The following ZNF302 variants were observed in gnomAD, a reference collection of about 807,000 sequenced individuals.
ZNF302 encodes the protein zinc finger protein 327.
In ZNF302, 12 loss-of-function variants were observed where a neutral mutation model predicts 10.8. The observed-to-expected ratio is 1.11, with a 90% CI of 0.71 to 1.79. The LOEUF (loss-of-function observed/expected upper bound fraction) is 1.79. Ranked by LOEUF, ZNF302 falls within the 40% of genes most tolerant of loss-of-function variation. The pLI, the probability that ZNF302 is intolerant of heterozygous loss-of-function variation, is 0.00. For synonymous variants in ZNF302, 178 were observed against 157.5 expected (o/e 1.13, Z -0.98); for missense variants, 461 against 471.1 (o/e 0.98, Z 0.20).
In ZNF302 at chr19:34,684,617, A is replaced by G; in HGVS notation, c.580A>G (p.Thr194Ala). ...GAGCAAATCTCTTACCCTTCCCCAG[A>G]CTTGTAATAGAGAGAAAATCTATAC... ...NQSKSLTLPQ[T>A]CNREKIYTCS... Residue 194 changes from threonine to alanine, a missense_variant, in exon 5 of 5, where the codon ACT (threonine) becomes GCT (alanine). Physicochemically the swap from Thr to Ala is moderately conservative, Grantham distance 58. Transcript: ENST00000505242. 1.2e-6 allele frequency: 2 copies of G among 1,614,090 alleles called. No homozygotes were observed. Among genetic ancestry groups the G allele is most frequent in the Non-Finnish European group, 1.7e-6 (2 of 1,179,948 alleles).
intron 4 of ZNF302, 188 bp from the exon 5 acceptor site, chr19:34,684,064 G>C: frequency 6.6e-7 from 1 of 1,524,200 alleles, no homozygotes; most frequent in Non-Finnish European, 8.8e-7. Context: ...TTTGAGCATT[G>C]TTCAGAAGTC....
chr19:34,683,788 G>A (rs11547623), intron 4 of ZNF302, among the ~76,000 whole-genome samples: 14,892 of 152,010 alleles, frequency 0.098, 865 homozygotes, highest in Middle Eastern at 0.23. Context: ...GTTTAATATA[G>A]TAGTATCAAT....
At chr19:34,682,716 C>T (rs1166815087) in intron 2 of ZNF302, 61 bp from the exon 3 acceptor site, 13 of 1,599,316 alleles carry the variant, frequency 8.1e-6, no homozygotes, top group South Asian at 5.7e-5. Flanking sequence ...AATTTTACCC[C>T]TTCTTCAGTG....
intron 4 of ZNF302, 77 bp from the exon 5 acceptor site, chr19:34,684,171 TAAAA>T: frequency 2.3e-6 from 2 of 876,860 alleles, no homozygotes; most frequent in Non-Finnish European, 2.9e-6. Context: ...TTTCAAGAAG[TAAAA>T]AAAAAAAAAA....
upstream of ZNF302, chr19:34,676,021 G>A (rs2067927632): frequency 6.6e-6 from 1 of 152,238 alleles, no homozygotes; most frequent in Non-Finnish European, 1.5e-5. Context: ...CTGGGAAGTA[G>A]ACCCCAGCGC....
At position 34,682,869 on chromosome 19, in the gene ZNF302, C is replaced by G. The variant is rs1382186080; in HGVS notation, c.102C>G (p.Val34=). 2 of 1,613,762 alleles carry G rather than the reference C, an allele frequency of 1.2e-6. No homozygotes were observed. The highest frequency in any genetic ancestry group is 1.3e-5 in the African/African-American group (1 of 75,028). The stretch of plus-strand genomic sequence containing the variant: ...GGGACTTATACAAGGATGTGATGGT[C>G]CAGAATTATGAGAACCTGGTCTCTG... ...AQRDLYKDVM[V]QNYENLVSVG... The change falls in exon 3 of 5, where the codon GTC becomes GTG. Residue 34 remains valine, a synonymous_variant. Coordinates refer to ENST00000505242, the MANE Select transcript of ZNF302 (RefSeq NM_001289187.2).
At position 34,685,960 on chromosome 19, in the gene ZNF302, A is replaced by C. The variant is rs1170905361; in HGVS notation, c.*723A>C. On this transcript the variant is annotated 3_prime_UTR_variant, in exon 5 of 5. Transcript: ENST00000505242. ...CAGGAGAAAAGTTGTATGAATGTGG[A>C]AACTTTAGAAATTGAAGGAATTTTT... is the stretch of plus-strand genomic sequence containing the variant. 6.3e-6 allele frequency: 1 copy of C among 159,270 alleles called. No individual in the cohort carries two copies. Among genetic ancestry groups the C allele is most frequent in the African/African-American group, 2.4e-5 (1 of 41,650 alleles). The allele number at this position is 159,270 out of a possible 1,614,324, so 9.9% of individuals were successfully genotyped here.
intron 4 of ZNF302, chr19:34,684,007 T>TA: frequency 6.8e-7 from 1 of 1,476,486 alleles, no homozygotes; most frequent in Non-Finnish European, 9.0e-7. Context: ...CCATTTCCTT[T>TA]ATCACACTCT....
upstream of ZNF302, chr19:34,677,354 TGTAATTTCTTG>T (rs1388673086): frequency 1.3e-5 from 2 of 152,030 alleles, no homozygotes; most frequent in Non-Finnish European, 2.9e-5. Context: ...TTCTGGGAAA[TGTAATTTCTTG>T]GTCCGGGCGC....
rs1297844038 is a variant in ZNF302 at position 34,684,574 on chromosome 19, T to G, written c.537T>G (p.Ser179Arg). 6.2e-7 allele frequency: 1 copy of G among 1,613,936 alleles called. No homozygotes were observed. The highest frequency in any genetic ancestry group is 1.7e-5 in the Admixed American group (1 of 60,014). Residue 179 changes from serine to arginine, a missense_variant, in exon 5 of 5, where the codon AGT (serine) becomes AGG (arginine). Coordinates refer to ENST00000505242, the MANE Select transcript of ZNF302 (RefSeq NM_001289187.2). ...GGKKLLNSNK[S>R]GAAFNQSKSL... ...AGAAACTTTTAAATTCTAATAAAAG[T>G]GGGGCAGCCTTCAACCAGAGCAAAT...
intron 2 of ZNF302, chr19:34,679,810 C>T (rs1346214542): frequency 1.4e-6 from 1 of 698,186 alleles, no homozygotes; most frequent in Non-Finnish European, 2.6e-6. Flanking sequence ...GCTTTTTCTT[C>T]TTTGTTGACT....
intron 2 of ZNF302, chr19:34,679,943 C>G: frequency 1.4e-6 from 1 of 702,906 alleles, no homozygotes; most frequent in East Asian, 2.7e-5. Context: ...GAAGGTGAAG[C>G]TTGCACAGGA....
At chr19:34,683,392 A>G (rs1274471274) in intron 4 of ZNF302, among the ~76,000 whole-genome samples, 154 bp downstream of exon 4, 1 of 152,220 alleles carries the variant, frequency 6.6e-6, no homozygotes, top group African/African-American at 2.4e-5. Context: ...TTTCAAAACA[A>G]TTGTTCCTCC....
At chr19:34,683,344 A>G (rs2068460946) in intron 4 of ZNF302, 106 bp downstream of exon 4, 1 of 1,320,266 alleles carries the variant, frequency 7.6e-7, no homozygotes, top group African/African-American at 1.5e-5. Context: ...CAAAGATCTC[A>G]GATAGAAATG....
chr19:34,684,250 A>T lies in ZNF302; in HGVS notation c.215-2A>T. 6.5e-7 allele frequency: 1 copy of T among 1,528,276 alleles called. No individual in the cohort carries two copies. Among genetic ancestry groups the T allele is most frequent in the South Asian group, 1.3e-5 (1 of 78,092 alleles). 94.7% of individuals were successfully genotyped at this position (1,528,276 alleles called of 1,614,324 possible). On this transcript the variant is annotated splice_acceptor_variant, in intron 4 of 4. Transcript: ENST00000505242. LOFTEE classifies it high-confidence loss of function. Reference sequence around the variant, plus strand: ...GTGCTTTGCTTTCTTGATATATTTCAGATTGGGAATCAAGATGGGAAAACA... The same window carrying T: ...GTGCTTTGCTTTCTTGATATATTTCTGATTGGGAATCAAGATGGGAAAACA...
chr19:34,678,506 A>G (rs8111256), intron 1 of ZNF302, among the ~76,000 whole-genome samples: 55,019 of 151,522 alleles, frequency 0.36, 10,317 homozygotes, highest in African/African-American at 0.44. Context: ...ACGAGCTGAT[A>G]AAGTTGTTAC....
chr19:34,682,893 T>C lies in ZNF302; in HGVS notation c.126T>C (p.Ser42=). The part of the protein sequence containing the change: ...VMVQNYENLV[S]VGLSVTKPYV... Reference sequence around the variant, plus strand: ...TCCAGAATTATGAGAACCTGGTCTCTGTAGGTAAGGATATCACCCCTTCCA... The same window carrying C: ...TCCAGAATTATGAGAACCTGGTCTCCGTAGGTAAGGATATCACCCCTTCCA... The change falls in exon 3 of 5, where the codon TCT becomes TCC. Residue 42 remains serine, a synonymous_variant. Transcript: ENST00000505242. The C allele has an allele frequency of 6.2e-7, 1 of 1,613,760 alleles. No homozygotes were observed.
chr19:34,679,526 A>G (rs778049594), intron 2 of ZNF302, among the ~76,000 whole-genome samples: 2 of 152,200 alleles, frequency 1.3e-5, no homozygotes, highest in South Asian at 2.1e-4. Context: ...TGTGCGCTCC[A>G]GCCTCTGTCA....
chr19:34,678,099 A>G lies in ZNF302; in HGVS notation c.-73A>G, dbSNP rs930916468. 1 of 152,212 alleles carries G rather than the reference A, an allele frequency of 6.6e-6. No individual in the cohort carries two copies. Among genetic ancestry groups the G allele is most frequent in the South Asian group, 2.1e-4 (1 of 4,830 alleles). 9.4% of individuals were successfully genotyped at this position (152,212 alleles called of 1,614,324 possible). On this transcript the variant is annotated 5_prime_UTR_variant, in exon 1 of 5. Coordinates refer to ENST00000505242, the MANE Select transcript of ZNF302 (RefSeq NM_001289187.2). Reference sequence around the variant, plus strand: ...GCTTTCAGTTGTGCAACCTTGAACAAATGGGTTCAGTATCTCGGAATTTCA... The same window carrying G: ...GCTTTCAGTTGTGCAACCTTGAACAGATGGGTTCAGTATCTCGGAATTTCA...
Sources: allele counts gnomAD v4.1 joint callset (sites outside exome capture counted in the v4.1 genomes callset), GRCh38; gene constraint gnomAD v4.1.1; transcripts MANE v1.5; gene names NCBI Gene and HGNC (gene_info 2026-07-23, HGNC 2026-07-21).